MORC1: variants seen among roughly 807,000 people sequenced by gnomAD.
The protein encoded by MORC1 is MORC family CW-type zinc finger 1, also known as MORC family CW-type zinc finger protein 1.
Under a neutral mutation model 134.9 loss-of-function variants are expected in MORC1, and 59 were observed. That is an observed-to-expected ratio of 0.44 (90% CI 0.35 to 0.54). The LOEUF (loss-of-function observed/expected upper bound fraction) is 0.54. Ranked by LOEUF, MORC1 falls within the 20% of genes least tolerant of loss-of-function variation. The pLI is 0.00. For missense variants in MORC1, 947 were observed against 1,134.5 expected (o/e 0.83, Z 2.37); for synonymous variants, 395 against 391.7 (o/e 1.01, Z -0.10).
At chr3:109,036,279 AAT>A (rs569407533) in intron 14 of MORC1, among the ~76,000 whole-genome samples, 1 of 151,946 alleles carries the variant, frequency 6.6e-6, no homozygotes, top group African/African-American at 2.4e-5. Flanking sequence ...ATTTTTTAAA[AAT>A]ATATATATAT....
At chr3:108,982,846 T>C (rs1330597410) in intron 23 of MORC1, among the ~76,000 whole-genome samples, 1 of 151,992 alleles carries the variant, frequency 6.6e-6, no homozygotes, top group Non-Finnish European at 1.5e-5. Context: ...TCCTCACCCA[T>C]TCCCACTTTG....
At chr3:109,011,608 G>T (rs551665860) in intron 17 of MORC1, among the ~76,000 whole-genome samples, 1 of 150,170 alleles carries the variant, frequency 6.7e-6, no homozygotes, top group Non-Finnish European at 1.5e-5. Context: ...CGCAACCTCC[G>T]CCTCCCAGGT....
At chr3:109,116,874 T>A (rs1006983246) in intron 1 of MORC1, among the ~76,000 whole-genome samples, 2 of 152,180 alleles carry the variant, frequency 1.3e-5, no homozygotes, top group Admixed American at 1.3e-4. Flanking sequence ...CTTGTTAAGT[T>A]ACTACACCAC....
chr3:108,983,414 C>G (rs1296862567), intron 23 of MORC1, among the ~76,000 whole-genome samples: 1 of 151,842 alleles, frequency 6.6e-6, no homozygotes, highest in Non-Finnish European at 1.5e-5. Context: ...AAAGGAGATA[C>G]TTTAAAATAG....
intron 12 of MORC1, among the ~76,000 whole-genome samples, chr3:109,058,236 T>C (rs1013160803): frequency 6.6e-6 from 1 of 152,202 alleles, no homozygotes; most frequent in Admixed American, 6.5e-5. Context: ...AATAACCATG[T>C]GACCATGGAT....
chr3:109,059,368 A>C (rs928298857), intron 12 of MORC1, among the ~76,000 whole-genome samples: 1 of 152,142 alleles, frequency 6.6e-6, no homozygotes, highest in Non-Finnish European at 1.5e-5. Context: ...CAATACATTC[A>C]CGTGAAACAT....
chr3:109,043,706 G>A (rs2107642091), intron 14 of MORC1, among the ~76,000 whole-genome samples: 1 of 152,244 alleles, frequency 6.6e-6, no homozygotes, highest in African/African-American at 2.4e-5. Context: ...TCCAAAGGAG[G>A]AAGTGTGCTT....
intron 26 of MORC1, among the ~76,000 whole-genome samples, chr3:108,968,668 C>T (rs1253880055): frequency 6.6e-6 from 1 of 152,176 alleles, no homozygotes; most frequent in Non-Finnish European, 1.5e-5. Context: ...GGCCAGTCAC[C>T]TCTCAATCTT....
chr3:109,059,796 T>C lies in MORC1; in HGVS notation c.1031+10A>G, dbSNP rs1950038904. 1 of 1,609,832 alleles carries C rather than the reference T, an allele frequency of 6.2e-7. No homozygotes were observed. ...GAGGATTCCTGCAAACAGAAAACCT[T>C]GTGTCTTACCTTTGTTTCTCTTTAA... On this transcript the variant is annotated intron_variant, in intron 12 of 27. Coordinates refer to ENST00000232603, the MANE Select transcript of MORC1 (RefSeq NM_014429.4).
At chr3:109,022,744 G>A (rs1368310861) in intron 17 of MORC1, among the ~76,000 whole-genome samples, 3 of 152,154 alleles carry the variant, frequency 2.0e-5, no homozygotes, top group Non-Finnish European at 4.4e-5. Context: ...TCACCTTTCA[G>A]GAATTCTGCA....
chr3:109,059,763 A>G, intron 12 of MORC1, 43 bp downstream of exon 12: 4 of 1,551,058 alleles, frequency 2.6e-6, no homozygotes, highest in Non-Finnish European at 3.5e-6. Context: ...TTGTTTTAAC[A>G]GAGTACAGAG....
At position 108,971,360 on chromosome 3, in the gene MORC1, T is replaced by C. The variant is rs773400639; in HGVS notation, c.2520A>G (p.Ser840=). Residue 840 remains serine (S), a synonymous_variant, in exon 25 of 28, where the codon TCA becomes TCG. Coordinates refer to ENST00000232603, the MANE Select transcript of MORC1 (RefSeq NM_014429.4). The part of the protein sequence containing the change: ...LYFFPEHQLP[S]ELEEPALSCE... ...AACTTAATGCAGGTTCTTCCAATTCTGATGGTAGCTGATGCTCAGGAAAAA... is the reference window on the plus strand; with the variant it reads ...AACTTAATGCAGGTTCTTCCAATTCCGATGGTAGCTGATGCTCAGGAAAAA... 2 of 1,613,558 alleles carry C rather than the reference T, an allele frequency of 1.2e-6. No individual in the cohort carries two copies. The highest frequency in any genetic ancestry group is 3.3e-5 in the Admixed American group (2 of 59,980).
In MORC1 at chr3:108,960,402, C is replaced by T. The variant is rs142985460; in HGVS notation, c.2800-1282G>A. The stretch of plus-strand genomic sequence containing the variant: ...GGATCACGATCCTGAAGGATTTCTT[C>T]AAAAAACTGTAACAGGAGATGAAAC... On this transcript the variant is annotated intron_variant, in intron 27 of 27. Transcript: ENST00000232603. Among the ~76,000 whole-genome samples, 475 of 152,188 alleles carry T rather than the reference C, an allele frequency of 3.1e-3. 1 individual carries two copies. The highest frequency in any genetic ancestry group is 0.01 in the Middle Eastern group (3 of 294).
At chr3:109,002,496 G>A (rs1366644970) in intron 20 of MORC1, among the ~76,000 whole-genome samples, 10 of 152,154 alleles carry the variant, frequency 6.6e-5, no homozygotes, top group Non-Finnish European at 1.0e-4. Context: ...TGTGACACAC[G>A]CATTTAAGCA....
chr3:109,019,514 C>T (rs1948905252), intron 17 of MORC1, among the ~76,000 whole-genome samples: 2 of 151,660 alleles, frequency 1.3e-5, no homozygotes, highest in Admixed American at 1.3e-4. Context: ...TCAGATCTAC[C>T]CCTATTCTTA....
intron 21 of MORC1, among the ~76,000 whole-genome samples, chr3:108,990,551 A>G (rs1948021283): frequency 6.6e-6 from 1 of 152,276 alleles, no homozygotes; most frequent in East Asian, 1.9e-4. Context: ...ATCACATGCA[A>G]CACAGATACT....
In MORC1 at chr3:109,111,910, T is replaced by C. The variant is rs375851544; in HGVS notation, c.120-1127A>G. On this transcript the variant is annotated intron_variant, in intron 2 of 27. Coordinates refer to ENST00000232603, the MANE Select transcript of MORC1 (RefSeq NM_014429.4). ...CTCAGCCCTCCCTATATAGACACTC[T>C]GGAGTTACCACTGCCATTTCTTGAG... Among the ~76,000 whole-genome samples, 4 of 152,320 alleles carry C rather than the reference T, an allele frequency of 2.6e-5. No individual in the cohort carries two copies. In the East Asian group the frequency reaches 5.8e-4, roughly 22 times the overall value.
intron 26 of MORC1, among the ~76,000 whole-genome samples, chr3:108,967,517 C>A (rs1045099775): frequency 2.0e-5 from 3 of 152,154 alleles, no homozygotes; most frequent in African/African-American, 7.2e-5. Context: ...ACACATACCC[C>A]ACAGAAATAT....
At chr3:109,106,570 C>T (rs1299907936) in intron 3 of MORC1, among the ~76,000 whole-genome samples, 1 of 152,166 alleles carries the variant, frequency 6.6e-6, no homozygotes, top group Non-Finnish European at 1.5e-5. Context: ...CTTTCTCCTC[C>T]TCCTCGTTTC....
Sources: allele counts gnomAD v4.1 joint callset (sites outside exome capture counted in the v4.1 genomes callset), GRCh38; gene constraint gnomAD v4.1.1; transcripts MANE v1.5; gene names NCBI Gene and HGNC (gene_info 2026-07-23, HGNC 2026-07-21).